The following GALNTL6 variants were observed in gnomAD, a reference collection of about 807,000 sequenced individuals.
The protein encoded by GALNTL6 is polypeptide N-acetylgalactosaminyltransferase-like 6.
Under a neutral mutation model 73.7 loss-of-function variants are expected in GALNTL6, and 46 were observed. The ratio of observed to expected loss-of-function variants is 0.62; its 90% confidence interval spans 0.49 to 0.80. The LOEUF (loss-of-function observed/expected upper bound fraction) is 0.80, where lower values mean the gene tolerates loss of function less well. Ranked by LOEUF, GALNTL6 falls within the 30% of genes least tolerant of loss-of-function variation. The pLI is 0.00. For missense variants in GALNTL6, 604 were observed against 755.0 expected (o/e 0.80, Z 2.34); for synonymous variants, 259 against 263.7 (o/e 0.98, Z 0.17).
intron 2 of GALNTL6, among the ~76,000 whole-genome samples, chr4:171,860,825 G>A (rs543230280): frequency 4.8e-4 from 73 of 152,234 alleles, no homozygotes; most frequent in African/African-American, 1.8e-3. Flanking sequence ...TTGCCTTAAA[G>A]TGTGGCTTTT....
intron 5 of GALNTL6, among the ~76,000 whole-genome samples, chr4:172,654,078 G>C (rs1730850671): frequency 6.6e-6 from 1 of 152,164 alleles, no homozygotes; most frequent in African/African-American, 2.4e-5. Context: ...AAAGAGAACA[G>C]TTCTCATCAT....
chr4:172,233,019 C>T (rs926080376), intron 3 of GALNTL6, among the ~76,000 whole-genome samples: 13 of 151,910 alleles, frequency 8.6e-5, no homozygotes, highest in African/African-American at 3.1e-4. Flanking sequence ...TAGCCAAATC[C>T]AGCAATCATT....
At chr4:172,450,540 G>A (rs1278774857) in intron 5 of GALNTL6, among the ~76,000 whole-genome samples, 2 of 152,180 alleles carry the variant, frequency 1.3e-5, no homozygotes, top group African/African-American at 4.8e-5. Flanking sequence ...AGTTATGTGT[G>A]TAAAAGCATA....
At chr4:172,916,924 G>A (rs1355705553) in intron 8 of GALNTL6, among the ~76,000 whole-genome samples, 1 of 152,152 alleles carries the variant, frequency 6.6e-6, no homozygotes, top group African/African-American at 2.4e-5. Flanking sequence ...AACCAAAAAA[G>A]AGCCCACATT....
chr4:172,850,499 G>A (rs1579564537), intron 7 of GALNTL6, among the ~76,000 whole-genome samples: 1 of 152,038 alleles, frequency 6.6e-6, no homozygotes, highest in South Asian at 2.1e-4. Flanking sequence ...CGCTTATCAC[G>A]GAATACTTCA....
At chr4:172,571,140 C>T (rs112713834) in intron 5 of GALNTL6, among the ~76,000 whole-genome samples, 19 of 152,300 alleles carry the variant, frequency 1.2e-4, no homozygotes, top group African/African-American at 4.6e-4. Context: ...TAGTTTAAGC[C>T]ACCCAGTCTA....
intron 2 of GALNTL6, among the ~76,000 whole-genome samples, chr4:172,206,229 C>T (rs1257248619): frequency 6.6e-6 from 1 of 152,022 alleles, no homozygotes; most frequent in Non-Finnish European, 1.5e-5. Flanking sequence ...CTCTAATCCC[C>T]ATAAGAATAG....
At chr4:172,968,076 A>T (rs138658161) in intron 10 of GALNTL6, among the ~76,000 whole-genome samples, 1 of 152,236 alleles carries the variant, frequency 6.6e-6, no homozygotes, top group Non-Finnish European at 1.5e-5. Context: ...CAAAAGAAAG[A>T]AACAAACAAC....
At position 172,372,992 on chromosome 4, in the gene GALNTL6, C is replaced by T. The variant is rs149703750; in HGVS notation, c.553+24303C>T. On this transcript the variant is annotated intron_variant, in intron 5 of 12. Coordinates refer to ENST00000506823, the MANE Select transcript of GALNTL6 (RefSeq NM_001034845.3). ...CAAAGCTGGGCTTTCGACCTACACA[C>T]CTTGTACCCTTGATCGGCTAGAAAG... Among the ~76,000 whole-genome samples, 426 of 152,322 alleles carry T rather than the reference C, an allele frequency of 2.8e-3. 2 individuals are homozygous for T. Among genetic ancestry groups the T allele is most frequent in the African/African-American group, 9.8e-3 (406 of 41,574 alleles).
intron 5 of GALNTL6, among the ~76,000 whole-genome samples, chr4:172,371,148 A>G (rs1310749379): frequency 6.6e-6 from 1 of 152,158 alleles, no homozygotes; most frequent in African/African-American, 2.4e-5. Flanking sequence ...AGTTTTCCTA[A>G]ATCTGCTTCT....
At chr4:172,093,627 T>C (rs1732270248) in intron 2 of GALNTL6, among the ~76,000 whole-genome samples, 1 of 152,170 alleles carries the variant, frequency 6.6e-6, no homozygotes, top group Non-Finnish European at 1.5e-5. Flanking sequence ...TCCCCTTCAC[T>C]CTCATCCTTC....
intron 5 of GALNTL6, among the ~76,000 whole-genome samples, chr4:172,587,656 G>A (rs994508776): frequency 3.9e-5 from 6 of 152,012 alleles, no homozygotes; most frequent in African/African-American, 9.7e-5. Context: ...TACCTTCCAC[G>A]CCTGCTTTTC....
rs550040575 is a variant in GALNTL6, at chr4:172,575,906, T to A, written c.553+227217T>A. Among the ~76,000 whole-genome samples the A allele has an allele frequency of 9.9e-4, 150 of 152,280 alleles. 1 individual carries two copies. The highest frequency in any genetic ancestry group is 8.8e-5 in the Non-Finnish European group (6 of 68,024). On this transcript the variant is annotated intron_variant, in intron 5 of 12. Transcript: ENST00000506823. ...TATATGTGTGATGTTGGTTAATTAT[T>A]TAATTGGTTTTAGTTATAAAATGGT...
chr4:172,688,146 G>A (rs1185588445), intron 5 of GALNTL6, among the ~76,000 whole-genome samples: 3 of 152,090 alleles, frequency 2.0e-5, no homozygotes, highest in Admixed American at 2.0e-4. Context: ...CCACCAAAGT[G>A]GAAAAAACTC....
intron 5 of GALNTL6, among the ~76,000 whole-genome samples, chr4:172,689,082 T>A (rs1183261087): frequency 6.6e-6 from 1 of 152,190 alleles, no homozygotes; most frequent in African/African-American, 2.4e-5. Flanking sequence ...TATGCTAGTG[T>A]TAGAAGTTAT....
intron 2 of GALNTL6, among the ~76,000 whole-genome samples, chr4:172,074,755 A>T (rs919149917): frequency 1.3e-5 from 2 of 152,200 alleles, no homozygotes; most frequent in African/African-American, 4.8e-5. Flanking sequence ...ACATTGTCAA[A>T]TTGCAAAAAC....
intron 5 of GALNTL6, among the ~76,000 whole-genome samples, chr4:172,689,776 G>A (rs1733154673): frequency 6.6e-6 from 1 of 152,136 alleles, no homozygotes; most frequent in Admixed American, 6.6e-5. Context: ...AAAACTGTAT[G>A]AAGCCATCCC....
intron 5 of GALNTL6, among the ~76,000 whole-genome samples, chr4:172,372,973 T>C (rs560933840): frequency 6.6e-6 from 1 of 152,110 alleles, no homozygotes; most frequent in African/African-American, 2.4e-5. Context: ...CAGGCAAAGC[T>C]GGGCTTTCGA....
chr4:172,173,676 C>T (rs959159666), intron 2 of GALNTL6, among the ~76,000 whole-genome samples: 1 of 152,114 alleles, frequency 6.6e-6, no homozygotes, highest in African/African-American at 2.4e-5. Context: ...CTATTTATAA[C>T]CAGTGAACTG....
Sources: allele counts gnomAD v4.1 joint callset (sites outside exome capture counted in the v4.1 genomes callset), GRCh38; gene constraint gnomAD v4.1.1; transcripts MANE v1.5; gene names NCBI Gene and HGNC (gene_info 2026-07-23, HGNC 2026-07-21).